AFF3: variants seen among roughly 807,000 people sequenced by gnomAD.
The protein encoded by AFF3 is ALF transcription elongation factor 3.
AFF3 carries 32 observed loss-of-function variants against 129.7 expected under a neutral mutation model. The observed-to-expected ratio is 0.25, with a 90% CI of 0.19 to 0.33. AFF3 has a LOEUF of 0.33. AFF3 is among the 10% of genes least tolerant of loss of function. The pLI is 1.00. For missense variants in AFF3, 1,373 were observed against 1,592.0 expected (o/e 0.86, Z 2.34); for synonymous variants, 644 against 635.4 (o/e 1.01, Z -0.20).
chr2:99,955,791 G>T (rs1367459412), intron 7 of AFF3, among the ~76,000 whole-genome samples: 1 of 152,156 alleles, frequency 6.6e-6, no homozygotes, highest in Non-Finnish European at 1.5e-5. Flanking sequence ...TCATTCCAGT[G>T]TCTTATGGGA....
At chr2:100,012,385 A>G (rs6758669) in intron 4 of AFF3, among the ~76,000 whole-genome samples, 1,750 of 152,266 alleles carry the variant, frequency 0.011, 28 homozygotes, top group African/African-American at 0.039. Context: ...TAGAAGCACA[A>G]GCCCCCCACC....
chr2:100,010,926 T>C (rs1215979317), intron 4 of AFF3, among the ~76,000 whole-genome samples: 2 of 152,120 alleles, frequency 1.3e-5, no homozygotes, highest in Non-Finnish European at 2.9e-5. Context: ...ACAGGAGAAT[T>C]CTAGTTTCAT....
intron 13 of AFF3, among the ~76,000 whole-genome samples, chr2:99,629,929 T>C (rs1317345655): frequency 6.6e-6 from 1 of 152,136 alleles, no homozygotes; most frequent in Non-Finnish European, 1.5e-5. Flanking sequence ...CATTGGGGAT[T>C]AGGGCTTCAT....
intron 7 of AFF3, among the ~76,000 whole-genome samples, chr2:99,970,018 C>G (rs1185564812): frequency 6.6e-6 from 1 of 152,158 alleles, no homozygotes; most frequent in Non-Finnish European, 1.5e-5. Context: ...TCTCCGAATG[C>G]TGCAGGAGAA....
At chr2:99,590,788 T>A (rs1028810741) in intron 15 of AFF3, among the ~76,000 whole-genome samples, 1 of 151,958 alleles carries the variant, frequency 6.6e-6, no homozygotes. Flanking sequence ...AGGTTGGGAG[T>A]TCGAGACCAG....
chr2:99,765,557 C>T (rs1013733644), intron 8 of AFF3, among the ~76,000 whole-genome samples: 1 of 152,164 alleles, frequency 6.6e-6, no homozygotes, highest in African/African-American at 2.4e-5. Context: ...AAATTGGTAT[C>T]AATCATTCTA....
chr2:99,991,411 C>T (rs1680323694), intron 7 of AFF3, among the ~76,000 whole-genome samples: 1 of 152,100 alleles, frequency 6.6e-6, no homozygotes, highest in Non-Finnish European at 1.5e-5. Flanking sequence ...TGCCGTGTTC[C>T]TCTCGATAAA....
At chr2:99,611,810 A>G (rs1680955504) in intron 13 of AFF3, among the ~76,000 whole-genome samples, 1 of 151,920 alleles carries the variant, frequency 6.6e-6, no homozygotes, top group South Asian at 2.1e-4. Flanking sequence ...TCGCTTGAAC[A>G]TGAAAGGCAG....
At chr2:99,759,727 C>A (rs761624446) in intron 8 of AFF3, among the ~76,000 whole-genome samples, 1 of 152,078 alleles carries the variant, frequency 6.6e-6, no homozygotes, top group Non-Finnish European at 1.5e-5. Flanking sequence ...AATGCAAATA[C>A]AAAATATGTA....
chr2:99,769,932 G>C (rs62150103), intron 8 of AFF3, among the ~76,000 whole-genome samples: 4,481 of 152,308 alleles, frequency 0.029, 84 homozygotes, highest in Non-Finnish European at 0.04. Context: ...GACTGGGACT[G>C]TGCTGGGTCA....
chr2:99,713,979 G>A (rs1415858972), intron 11 of AFF3, among the ~76,000 whole-genome samples: 1 of 152,102 alleles, frequency 6.6e-6, no homozygotes, highest in Non-Finnish European at 1.5e-5. Context: ...GGGATTACAG[G>A]GGTGAGCCAC....
intron 7 of AFF3, among the ~76,000 whole-genome samples, chr2:99,983,279 A>G (rs1031529465): frequency 6.6e-6 from 1 of 152,188 alleles, no homozygotes; most frequent in African/African-American, 2.4e-5. Flanking sequence ...CCTATTCTTC[A>G]TCTAGCCCAT....
intron 7 of AFF3, among the ~76,000 whole-genome samples, chr2:100,002,870 A>G (rs1433978026): frequency 6.6e-6 from 1 of 152,190 alleles, no homozygotes; most frequent in Middle Eastern, 3.2e-3. Context: ...TGTTGTCTCA[A>G]TGGCTCTGCA....
At chr2:99,854,942 A>C (rs1047967522) in intron 7 of AFF3, among the ~76,000 whole-genome samples, 8 of 152,236 alleles carry the variant, frequency 5.3e-5, no homozygotes, top group African/African-American at 1.9e-4. Context: ...CTGGCTACCC[A>C]TATGCAAATA....
intron 11 of AFF3, among the ~76,000 whole-genome samples, chr2:99,693,444 A>T (rs762646953): frequency 6.6e-6 from 1 of 152,170 alleles, no homozygotes; most frequent in Non-Finnish European, 1.5e-5. Context: ...AGGATTTTTA[A>T]TCTAGTATCA....
chr2:99,852,275 C>G (rs890071010), intron 7 of AFF3, among the ~76,000 whole-genome samples: 1 of 152,070 alleles, frequency 6.6e-6, no homozygotes, highest in Non-Finnish European at 1.5e-5. Context: ...TGGCACTAAT[C>G]CCACTGTGCC....
chr2:99,649,649 C>T lies in AFF3; in HGVS notation c.1161G>A (p.Thr387=), dbSNP rs760733399. ...ACCTGTCAGAGAGAGCGCGGAGAGC[C>T]GTTCTCTGAGCTGCCTGCTGGAAGA... The part of the protein sequence containing the change: ...EENEQQAAQR[T]ALRALSDSAV... Residue 387 remains threonine (T), a synonymous_variant, in exon 13 of 25, where the codon ACG becomes ACA. Coordinates refer to ENST00000672756, the MANE Select transcript of AFF3 (RefSeq NM_001386135.1). The T allele has an allele frequency of 9.3e-6, 15 of 1,613,934 alleles. No individual in the cohort carries two copies. The highest frequency in any genetic ancestry group is 6.6e-5 in the South Asian group (6 of 91,056).
intron 7 of AFF3, among the ~76,000 whole-genome samples, chr2:99,847,941 C>A (rs1689856613): frequency 6.6e-6 from 1 of 152,052 alleles, no homozygotes; most frequent in African/African-American, 2.4e-5. Flanking sequence ...GTATTGTAAT[C>A]TAAAGGGAGA....
chr2:99,851,660 G>A (rs1576186109), intron 7 of AFF3, among the ~76,000 whole-genome samples: 1 of 152,130 alleles, frequency 6.6e-6, no homozygotes, highest in Non-Finnish European at 1.5e-5. Context: ...CAGAGAAGAA[G>A]CTTCTTCCCC....
Sources: allele counts gnomAD v4.1 joint callset (sites outside exome capture counted in the v4.1 genomes callset), GRCh38; gene constraint gnomAD v4.1.1; transcripts MANE v1.5; gene names NCBI Gene and HGNC (gene_info 2026-07-23, HGNC 2026-07-21).